Variants in BTBD1 observed in about 807,000 individuals in gnomAD.
The protein encoded by BTBD1 is BTB/POZ domain-containing protein 1.
BTBD1 carries 34 observed loss-of-function variants against 48.0 expected under a neutral mutation model. That is an observed-to-expected ratio of 0.71 (90% CI 0.54 to 0.94). The LOEUF (loss-of-function observed/expected upper bound fraction) is 0.94, where lower values mean the gene tolerates loss of function less well. Among genes scored for constraint, BTBD1 ranks in the 40% least tolerant of loss-of-function variants. The pLI is 0.00. For missense variants in BTBD1, 543 were observed against 625.6 expected (o/e 0.87, Z 1.41); for synonymous variants, 261 against 242.1 (o/e 1.08, Z -0.72).
chr15:83,066,742 G>T lies in BTBD1; in HGVS notation c.401+9C>A. On this transcript the variant is annotated intron_variant, in intron 1 of 7. Transcript: ENST00000261721. Reference sequence around the variant, plus strand: ...GGCCCGGCCCGGCCCGGCCCGCGCTGCCGCTCACCTCAGCAGCGCCAGGAA... The same window carrying T: ...GGCCCGGCCCGGCCCGGCCCGCGCTTCCGCTCACCTCAGCAGCGCCAGGAA... The T allele has an allele frequency of 2.3e-5, 31 of 1,334,124 alleles. No homozygotes were observed. The highest frequency in any genetic ancestry group is 3.0e-5 in the Non-Finnish European group (31 of 1,047,922). The allele number at this position is 1,334,124 out of a possible 1,614,324, so 82.6% of individuals were successfully genotyped here.
intron 5 of BTBD1, chr15:83,022,211 G>GTTTAATT (rs2032313637): frequency 6.8e-6 from 1 of 147,124 alleles, no homozygotes; most frequent in Non-Finnish European, 1.5e-5. Flanking sequence ...TTCCTTGCTA[G>GTTTAATT]TTTAATTTTT....
intron 4 of BTBD1, among the ~76,000 whole-genome samples, chr15:83,035,498 G>GA (rs71156068): frequency 4.1e-5 from 6 of 147,176 alleles, no homozygotes; most frequent in Non-Finnish European, 7.5e-5. Context: ...ATGAGTCAAA[G>GA]AAAAAAAAAG....
At chr15:83,018,298 G>A in intron 7 of BTBD1, 73 bp from the exon 8 acceptor site, 1 of 1,173,278 alleles carries the variant, frequency 8.5e-7, no homozygotes, top group South Asian at 2.1e-5. Context: ...GTTTTAATTA[G>A]ATTAATGTTC....
At chr15:83,018,372 T>G (rs1438033955) in intron 7 of BTBD1, 147 bp from the exon 8 acceptor site, 4 of 719,904 alleles carry the variant, frequency 5.6e-6, no homozygotes, top group Non-Finnish European at 8.2e-6. Context: ...AAATGAAGTT[T>G]TTACCAAAAA....
chr15:83,061,050 C>A (rs1408088179), intron 1 of BTBD1, among the ~76,000 whole-genome samples: 1 of 152,194 alleles, frequency 6.6e-6, no homozygotes, highest in Non-Finnish European at 1.5e-5. Context: ...GAGATACATT[C>A]TAAGAAAGGC....
At chr15:83,042,374 A>ATATATATATATATATATATATG (rs1555440271) in intron 3 of BTBD1, among the ~76,000 whole-genome samples, 3 of 121,974 alleles carry the variant, frequency 2.5e-5, no homozygotes, top group Non-Finnish European at 5.3e-5. Flanking sequence ...ATATATATAT[A>ATATATATATATATATATATATG]TATGTATGTA....
chr15:83,052,491 T>C (rs1436170635), intron 2 of BTBD1, among the ~76,000 whole-genome samples: 2 of 152,196 alleles, frequency 1.3e-5, no homozygotes, highest in Non-Finnish European at 2.9e-5. Context: ...CCACTGGCTG[T>C]ATTTCAGTTT....
At chr15:83,020,650 T>C in intron 6 of BTBD1, 25 bp downstream of exon 6, 2 of 1,402,484 alleles carry the variant, frequency 1.4e-6, no homozygotes, top group Non-Finnish European at 2.0e-6. Context: ...TTCAAAATGA[T>C]ATATGGTGGG....
At chr15:83,031,044 G>A (rs2032505570) in intron 4 of BTBD1, among the ~76,000 whole-genome samples, 1 of 152,204 alleles carries the variant, frequency 6.6e-6, no homozygotes, top group Non-Finnish European at 1.5e-5. Flanking sequence ...TATATACTCA[G>A]TAATGGGACG....
chr15:83,039,129 T>A (rs943018699), intron 4 of BTBD1, among the ~76,000 whole-genome samples: 3 of 151,826 alleles, frequency 2.0e-5, no homozygotes, highest in African/African-American at 7.3e-5. Context: ...TCACAAACTA[T>A]GTGTTGGACA....
At chr15:83,019,330 G>A (rs552095876) in intron 6 of BTBD1, among the ~76,000 whole-genome samples, 24 of 151,996 alleles carry the variant, frequency 1.6e-4, no homozygotes, top group African/African-American at 5.6e-4. Flanking sequence ...CCAAAGTGCT[G>A]GTGTGAGCCA....
intron 4 of BTBD1, among the ~76,000 whole-genome samples, chr15:83,035,434 A>C (rs975627376): frequency 5.9e-5 from 9 of 152,190 alleles, no homozygotes; most frequent in African/African-American, 2.2e-4. Context: ...GAAATCAGCA[A>C]GAGCAAGATA....
At chr15:83,043,920 A>G (rs1021990547) in intron 3 of BTBD1, among the ~76,000 whole-genome samples, 3 of 152,224 alleles carry the variant, frequency 2.0e-5, no homozygotes, top group Non-Finnish European at 4.4e-5. Flanking sequence ...CTCTTATGAT[A>G]GGCAAAATTA....
chr15:83,035,891 G>GA (rs1374077535), intron 4 of BTBD1, among the ~76,000 whole-genome samples: 1 of 150,250 alleles, frequency 6.7e-6, no homozygotes, highest in East Asian at 2.0e-4. Context: ...TTCATTGCAA[G>GA]AAAAAAAAAT....
chr15:83,028,485 T>G (rs1308795368), intron 5 of BTBD1: 1 of 152,268 alleles, frequency 6.6e-6, no homozygotes, highest in South Asian at 2.1e-4. Context: ...TTGAGATTGA[T>G]CTAGAATTTT....
intron 1 of BTBD1, among the ~76,000 whole-genome samples, chr15:83,059,246 G>T (rs1020783623): frequency 2.6e-5 from 4 of 152,102 alleles, no homozygotes; most frequent in African/African-American, 9.7e-5. Flanking sequence ...TAGCTGCTCA[G>T]ATAATTAAAA....
intron 7 of BTBD1, 41 bp from the exon 8 acceptor site, chr15:83,018,266 T>C (rs1384127623): frequency 6.8e-7 from 1 of 1,460,448 alleles, no homozygotes; most frequent in Non-Finnish European, 9.2e-7. Context: ...TTTCATTTAA[T>C]AAGCACTCAG....
intron 1 of BTBD1, chr15:83,061,716 C>T (rs2151315211): frequency 6.6e-6 from 1 of 152,374 alleles, no homozygotes; most frequent in African/African-American, 2.4e-5. Context: ...CCATCCCAGA[C>T]TGTGAGTTAA....
At chr15:83,063,074 A>G (rs2033201681) in intron 1 of BTBD1, among the ~76,000 whole-genome samples, 1 of 152,108 alleles carries the variant, frequency 6.6e-6, no homozygotes, top group African/African-American at 2.4e-5. Flanking sequence ...CATAGTTGAC[A>G]TTTCCCACTT....
Sources: gnomAD v4.1 joint callset for allele counts (sites outside exome capture counted in the v4.1 genomes callset) on GRCh38, gnomAD v4.1.1 for gene constraint, MANE v1.5 for transcripts, NCBI Gene and HGNC (gene_info 2026-07-23, HGNC 2026-07-21) for gene names.